The following NFU1 variants were observed in gnomAD, a reference collection of about 807,000 sequenced individuals.
The protein encoded by NFU1 is NFU1 iron-sulfur cluster scaffold.
In NFU1, 30 loss-of-function variants were observed where a neutral mutation model predicts 32.2. The ratio of observed to expected loss-of-function variants is 0.93; its 90% CI spans 0.70 to 1.26. The LOEUF (loss-of-function observed/expected upper bound fraction) is 1.26. Ranked by LOEUF, NFU1 falls within the 50% of genes most tolerant of loss-of-function variation. The pLI, the probability that NFU1 is intolerant of heterozygous loss-of-function variation, is 0.00. For missense variants in NFU1, 306 were observed against 306.6 expected (o/e 1.00, Z 0.02); for synonymous variants, 112 against 104.6 (o/e 1.07, Z -0.43).
chr2:69,418,949 T>G (rs766043143), intron 4 of NFU1, among the ~76,000 whole-genome samples: 19 of 152,318 alleles, frequency 1.2e-4, no homozygotes, highest in Non-Finnish European at 2.4e-4. Context: ...ATAGTTCATG[T>G]CCCATTAATC....
At chr2:69,403,717 C>T (rs1364013759) in intron 6 of NFU1, among the ~76,000 whole-genome samples, 1 of 152,014 alleles carries the variant, frequency 6.6e-6, no homozygotes, top group Non-Finnish European at 1.5e-5. Flanking sequence ...CTATTCTCTT[C>T]TCTCCCTGTG....
intron 4 of NFU1, 134 bp downstream of exon 4, chr2:69,419,404 A>G: frequency 1.6e-6 from 1 of 638,932 alleles, no homozygotes; most frequent in South Asian, 1.9e-5. Flanking sequence ...AGGACAAGAG[A>G]GTAAGACCCT....
At chr2:69,430,049 A>G in intron 2 of NFU1, 1 of 320,226 alleles carries the variant, frequency 3.1e-6, no homozygotes. Flanking sequence ...AAAAAAAAAC[A>G]CCTAATTTGA....
chr2:69,416,820 C>T (rs7561466), intron 4 of NFU1, among the ~76,000 whole-genome samples: 58,540 of 152,018 alleles, frequency 0.39, 11,596 homozygotes, highest in Middle Eastern at 0.44. Flanking sequence ...ATCGCTTGAA[C>T]CCGGGAGGCG....
intron 1 of NFU1, among the ~76,000 whole-genome samples, chr2:69,434,846 G>A (rs894649065): frequency 6.6e-6 from 1 of 152,188 alleles, no homozygotes; most frequent in Non-Finnish European, 1.5e-5. Context: ...TGAGGCTAGG[G>A]GTTTTCAAGG....
chr2:69,436,358 T>C (rs576225875), intron 1 of NFU1, among the ~76,000 whole-genome samples: 1 of 152,272 alleles, frequency 6.6e-6, no homozygotes, highest in South Asian at 2.1e-4. Context: ...AGGTTTGGGG[T>C]AAAAATGCCT....
At chr2:69,437,576 G>A (rs776745586), upstream of NFU1, 12 of 901,762 alleles carry the variant, frequency 1.3e-5, no homozygotes, top group Admixed American at 2.0e-5. Context: ...TACGCGCCGA[G>A]GTTTGCAGGC....
intron 7 of NFU1, 147 bp downstream of exon 7, chr2:69,400,217 G>C (rs146630902): frequency 4.9e-5 from 36 of 727,858 alleles, no homozygotes; most frequent in African/African-American, 4.5e-4. Context: ...GATAAAAATT[G>C]CAACACAAAA....
Sources: allele counts gnomAD v4.1 joint callset (sites outside exome capture counted in the v4.1 genomes callset), GRCh38; gene constraint gnomAD v4.1.1; transcripts MANE v1.5; gene names NCBI Gene and HGNC (gene_info 2026-07-23, HGNC 2026-07-21).